LRRC4C: variants seen among roughly 807,000 people sequenced by gnomAD.
The protein encoded by LRRC4C is leucine-rich repeat-containing protein 4C.
A neutral mutation model predicts 33.6 loss-of-function variants in LRRC4C; 5 were observed. That is an observed-to-expected ratio of 0.15 (90% CI 0.08 to 0.31). The LOEUF (loss-of-function observed/expected upper bound fraction) is 0.31. Among genes scored for constraint, LRRC4C ranks in the 10% least tolerant of loss-of-function variants. LRRC4C has a pLI of 1.00. For synonymous variants in LRRC4C, 329 were observed against 302.0 expected (o/e 1.09, Z -0.93); for missense variants, 560 against 796.7 (o/e 0.70, Z 3.58).
intron 3 of LRRC4C, among the ~76,000 whole-genome samples, chr11:40,614,431 G>C (rs1462973378): frequency 2.7e-5 from 4 of 149,686 alleles, no homozygotes; most frequent in Admixed American, 6.8e-5. Flanking sequence ...ATTAAAGAGA[G>C]TGGGTGTTGA....
intron 5 of LRRC4C, among the ~76,000 whole-genome samples, chr11:40,180,436 C>CTCTT (rs1860890813): frequency 6.6e-6 from 1 of 152,270 alleles, no homozygotes; most frequent in Admixed American, 6.5e-5. Flanking sequence ...TCTTGAGATC[C>CTCTT]CCTGGTCTGT....
intron 3 of LRRC4C, among the ~76,000 whole-genome samples, chr11:40,435,286 T>C (rs1951099525): frequency 6.6e-6 from 1 of 152,212 alleles, no homozygotes. Flanking sequence ...GACATTACCC[T>C]GTGCCCAACC....
chr11:40,723,235 G>C (rs1263048783), intron 2 of LRRC4C, among the ~76,000 whole-genome samples: 1 of 151,664 alleles, frequency 6.6e-6, no homozygotes, highest in Non-Finnish European at 1.5e-5. Context: ...GGTCAACAGG[G>C]GAATATGAAG....
chr11:41,304,900 C>T (rs1186465387), intron 1 of LRRC4C, among the ~76,000 whole-genome samples: 1 of 64,404 alleles, frequency 1.6e-5, no homozygotes, highest in Non-Finnish European at 3.9e-5. Context: ...CCAGCCGCCC[C>T]ATCCGGGAGG....
chr11:40,870,802 C>A (rs1954598795), intron 2 of LRRC4C, among the ~76,000 whole-genome samples: 2 of 152,124 alleles, frequency 1.3e-5, no homozygotes, highest in Non-Finnish European at 1.5e-5. Context: ...AATATGAAAT[C>A]TGGGCACCTT....
chr11:40,609,156 G>A (rs544400987), intron 3 of LRRC4C, among the ~76,000 whole-genome samples: 9 of 152,072 alleles, frequency 5.9e-5, no homozygotes, highest in East Asian at 5.8e-4. Flanking sequence ...TTCAGGATAC[G>A]TCATATGTTA....
rs566868962 is a variant in LRRC4C at position 40,343,442 on chromosome 11, A to G, written c.-269-23721T>C. ...TTTAGGTCATGGCAATTTGGTATAC[A>G]GATTATTCAGTCACCCATGTTATAA... On this transcript the variant is annotated intron_variant, in intron 3 of 6. Transcript: ENST00000528697. Among the ~76,000 whole-genome samples, 10 of 152,166 alleles carry G rather than the reference A, an allele frequency of 6.6e-5. No individual in the cohort carries two copies. In the Middle Eastern group the frequency reaches 0.01, roughly 155 times the overall value.
intron 1 of LRRC4C, among the ~76,000 whole-genome samples, chr11:41,310,336 G>T (rs1332261586): frequency 6.6e-6 from 1 of 152,162 alleles, no homozygotes; most frequent in Non-Finnish European, 1.5e-5. Context: ...TGCCTCATAA[G>T]GCTTAACAAA....
intron 4 of LRRC4C, chr11:40,293,567 G>C (rs1944346675): frequency 6.6e-6 from 1 of 151,390 alleles, no homozygotes; most frequent in African/African-American, 2.4e-5. Flanking sequence ...TGAGGGGACA[G>C]ACAGGGTGGT....
intron 3 of LRRC4C, among the ~76,000 whole-genome samples, chr11:40,630,381 T>TTCC (rs1350183902): frequency 7.8e-6 from 1 of 128,336 alleles, no homozygotes; most frequent in African/African-American, 2.8e-5. Flanking sequence ...CTTCTTCTTC[T>TTCC]TCTTCTTCTT....
At chr11:40,769,910 T>C (rs1949671940) in intron 2 of LRRC4C, among the ~76,000 whole-genome samples, 1 of 152,132 alleles carries the variant, frequency 6.6e-6, no homozygotes, top group Non-Finnish European at 1.5e-5. Flanking sequence ...CTCTAGGACA[T>C]TGGTGTGGGC....
At chr11:40,588,035 A>G (rs1306348758) in intron 3 of LRRC4C, among the ~76,000 whole-genome samples, 5 of 151,902 alleles carry the variant, frequency 3.3e-5, no homozygotes, top group Non-Finnish European at 5.9e-5. Flanking sequence ...TGATTGGAAT[A>G]GTTTCAGAAG....
intron 3 of LRRC4C, among the ~76,000 whole-genome samples, chr11:40,600,779 A>G (rs1458629055): frequency 6.6e-6 from 1 of 152,220 alleles, no homozygotes; most frequent in African/African-American, 2.4e-5. Flanking sequence ...ATGTAGATAG[A>G]CTAAATAAGA....
At chr11:40,236,593 T>C (rs1439903235) in intron 5 of LRRC4C, among the ~76,000 whole-genome samples, 1 of 152,166 alleles carries the variant, frequency 6.6e-6, no homozygotes, top group Non-Finnish European at 1.5e-5. Flanking sequence ...GAATATAGTG[T>C]GTCGCTTCTA....
chr11:40,585,032 T>C (rs1437001533), intron 3 of LRRC4C, among the ~76,000 whole-genome samples: 1 of 151,518 alleles, frequency 6.6e-6, no homozygotes, highest in Non-Finnish European at 1.5e-5. Flanking sequence ...ATGGGGATGG[T>C]TCTAGAACAG....
intron 1 of LRRC4C, among the ~76,000 whole-genome samples, chr11:40,943,714 C>T (rs1041246032): frequency 2.6e-5 from 4 of 152,228 alleles, no homozygotes; most frequent in South Asian, 2.1e-4. Context: ...TCTCTCCTGT[C>T]GGGAGAGTCT....
intron 6 of LRRC4C, among the ~76,000 whole-genome samples, chr11:40,118,588 C>A (rs1855603843): frequency 6.6e-6 from 1 of 152,028 alleles, no homozygotes; most frequent in Non-Finnish European, 1.5e-5. Context: ...TTTGTAGAAG[C>A]TGCTGAGAAA....
chr11:40,454,067 T>A (rs1952022250), intron 3 of LRRC4C, among the ~76,000 whole-genome samples: 1 of 152,190 alleles, frequency 6.6e-6, no homozygotes. Context: ...ATTTCCTGCA[T>A]CTTCTATCTT....
At chr11:40,400,453 A>C (rs1349390410) in intron 3 of LRRC4C, among the ~76,000 whole-genome samples, 2 of 152,214 alleles carry the variant, frequency 1.3e-5, no homozygotes, top group East Asian at 3.9e-4. Flanking sequence ...CTATAGCTAT[A>C]TCTCTCTATT....
Sources: gnomAD v4.1 joint callset for allele counts (sites outside exome capture counted in the v4.1 genomes callset) on GRCh38, gnomAD v4.1.1 for gene constraint, MANE v1.5 for transcripts, NCBI Gene and HGNC (gene_info 2026-07-23, HGNC 2026-07-21) for gene names.